Variants in EXOC6B observed in about 807,000 individuals in gnomAD.
The protein encoded by EXOC6B is SEC15 homolog B.
A neutral mutation model predicts 113.5 loss-of-function variants in EXOC6B; 54 were observed. The ratio of observed to expected loss-of-function variants is 0.48; its 90% CI spans 0.38 to 0.60. The LOEUF (loss-of-function observed/expected upper bound fraction) is 0.60. EXOC6B is among the 20% of genes least tolerant of loss of function. EXOC6B has a pLI of 0.00. For synonymous variants in EXOC6B, 357 were observed against 339.0 expected, an observed-to-expected ratio of 1.05 and a Z score of -0.58; for missense variants, 797 against 977.5, an observed-to-expected ratio of 0.82 and a Z score of 2.46.
At chr2:72,400,929 C>G (rs1379747371) in intron 18 of EXOC6B, among the ~76,000 whole-genome samples, 1 of 151,962 alleles carries the variant, frequency 6.6e-6, no homozygotes, top group Non-Finnish European at 1.5e-5. Context: ...ACCCAGCAAT[C>G]CCACTACTGG....
intron 20 of EXOC6B, among the ~76,000 whole-genome samples, chr2:72,247,046 C>A (rs1182401903): frequency 5.3e-5 from 8 of 152,088 alleles, no homozygotes; most frequent in Admixed American, 5.2e-4. Context: ...CCACATTGTA[C>A]CAAACACACT....
chr2:72,189,161 T>C (rs1678644911), intron 20 of EXOC6B, among the ~76,000 whole-genome samples: 1 of 152,238 alleles, frequency 6.6e-6, no homozygotes, highest in Non-Finnish European at 1.5e-5. Context: ...ATGATATAAT[T>C]TTAGGATTGA....
Position 72,480,735 on chromosome 2 carries a change from T to C in EXOC6B, c.1681A>G (p.Ile561Val). 1.9e-6 allele frequency: 3 copies of C among 1,600,874 alleles called. No individual in the cohort carries two copies. Among genetic ancestry groups the C allele is most frequent in the South Asian group, 1.1e-5 (1 of 88,568 alleles). Residue 561 changes from isoleucine (I) to valine (V), a missense_variant, in exon 17 of 22, where the codon ATC (isoleucine) becomes GTC (valine). Transcript: ENST00000272427. ...IGLTELVQII[I>V]NTTHLEKSCK... Reference sequence around the variant, plus strand: ...GATTTCTCCAAATGTGTTGTATTGATAATAATCTGAACAAGCTAGAAAACA... The same window carrying C: ...GATTTCTCCAAATGTGTTGTATTGACAATAATCTGAACAAGCTAGAAAACA...
intron 20 of EXOC6B, among the ~76,000 whole-genome samples, chr2:72,222,705 C>T (rs1680953264): frequency 6.6e-6 from 1 of 152,050 alleles, no homozygotes; most frequent in Admixed American, 6.6e-5. Flanking sequence ...TGGTGGGCTA[C>T]ATGGGTCATT....
chr2:72,404,147 C>T (rs538495697), intron 18 of EXOC6B, among the ~76,000 whole-genome samples: 5 of 152,126 alleles, frequency 3.3e-5, no homozygotes, highest in Admixed American at 1.3e-4. Context: ...TGCAAGGCAG[C>T]GGGGAGGCTG....
At chr2:72,689,498 T>A (rs1019193773) in intron 6 of EXOC6B, among the ~76,000 whole-genome samples, 1 of 152,214 alleles carries the variant, frequency 6.6e-6, no homozygotes, top group Admixed American at 6.5e-5. Context: ...GTAGAAGGAC[T>A]GGGATTCCTA....
At chr2:72,723,392 C>T (rs964254864) in intron 5 of EXOC6B, among the ~76,000 whole-genome samples, 2 of 152,006 alleles carry the variant, frequency 1.3e-5, no homozygotes, top group African/African-American at 2.4e-5. Context: ...ATCAGAATAA[C>T]AGACATGGTT....
intron 11 of EXOC6B, among the ~76,000 whole-genome samples, chr2:72,505,403 G>A (rs1700544477): frequency 6.6e-6 from 1 of 152,082 alleles, no homozygotes. Context: ...GTGTGAGACT[G>A]TTTGAAGGTC....
At chr2:72,666,819 AC>A (rs1675427585) in intron 6 of EXOC6B, among the ~76,000 whole-genome samples, 2 of 150,432 alleles carry the variant, frequency 1.3e-5, no homozygotes, top group African/African-American at 2.4e-5. Flanking sequence ...ACACACACAC[AC>A]ACAAAGAAAT....
At chr2:72,567,313 A>G (rs1387033673) in intron 7 of EXOC6B, among the ~76,000 whole-genome samples, 1 of 152,022 alleles carries the variant, frequency 6.6e-6, no homozygotes, top group Non-Finnish European at 1.5e-5. Context: ...GAAATCTTGA[A>G]CTTAATAACT....
At chr2:72,327,036 A>G (rs1026801910) in intron 20 of EXOC6B, among the ~76,000 whole-genome samples, 4 of 151,978 alleles carry the variant, frequency 2.6e-5, no homozygotes, top group Non-Finnish European at 2.9e-5. Flanking sequence ...CTGCTACCCA[A>G]AAGGTTGTCA....
At chr2:72,492,531 T>C (rs984291212) in intron 15 of EXOC6B, 102 bp from the exon 16 acceptor site, 1 of 634,174 alleles carries the variant, frequency 1.6e-6, no homozygotes, top group Non-Finnish European at 2.8e-6. Flanking sequence ...AAAATAATAA[T>C]AGCAGCAGCA....
intron 17 of EXOC6B, among the ~76,000 whole-genome samples, chr2:72,477,036 C>A (rs1218998546): frequency 6.6e-6 from 1 of 152,128 alleles, no homozygotes; most frequent in East Asian, 1.9e-4. Context: ...CTCTGTTGAG[C>A]CTGTCAATGT....
intron 1 of EXOC6B, among the ~76,000 whole-genome samples, chr2:72,761,070 C>T (rs1449954201): frequency 6.6e-6 from 1 of 152,114 alleles, no homozygotes; most frequent in African/African-American, 2.4e-5. Context: ...ATCCCAGCTA[C>T]TCAGGAGGCT....
At chr2:72,464,104 A>G (rs985225133) in intron 18 of EXOC6B, 2 of 152,150 alleles carry the variant, frequency 1.3e-5, no homozygotes. Flanking sequence ...TAGATTCAAC[A>G]TATGATTTTT....
At chr2:72,601,789 A>C (rs550231916) in intron 6 of EXOC6B, among the ~76,000 whole-genome samples, 1 of 152,238 alleles carries the variant, frequency 6.6e-6, no homozygotes, top group Non-Finnish European at 1.5e-5. Context: ...TTTGGTAAGC[A>C]AATGGATAAA....
intron 1 of EXOC6B, among the ~76,000 whole-genome samples, chr2:72,778,913 A>C (rs1374474452): frequency 6.6e-6 from 1 of 152,164 alleles, no homozygotes; most frequent in African/African-American, 2.4e-5. Flanking sequence ...AAAAAGCAGG[A>C]TACAACATAA....
At chr2:72,426,529 T>C in intron 18 of EXOC6B, among the ~76,000 whole-genome samples, 1 of 152,212 alleles carries the variant, frequency 6.6e-6, no homozygotes, top group East Asian at 1.9e-4. Context: ...CTGCTATTTG[T>C]TATGATTAGT....
At chr2:72,405,479 G>T (rs1412404957) in intron 18 of EXOC6B, among the ~76,000 whole-genome samples, 2 of 152,188 alleles carry the variant, frequency 1.3e-5, no homozygotes, top group Non-Finnish European at 2.9e-5. Context: ...ACAAAGGGAA[G>T]CCCATCAGAC....
Sources: allele counts gnomAD v4.1 joint callset (sites outside exome capture counted in the v4.1 genomes callset), GRCh38; gene constraint gnomAD v4.1.1; transcripts MANE v1.5; gene names NCBI Gene and HGNC (gene_info 2026-07-23, HGNC 2026-07-21).